The following SLC25A21 variants were observed in gnomAD, a reference collection of about 807,000 sequenced individuals.
SLC25A21 encodes the protein solute carrier family 25 member 21, also known as mitochondrial 2-oxodicarboxylate carrier.
In SLC25A21, 47 loss-of-function variants were observed where a neutral mutation model predicts 43.8. That is an observed-to-expected ratio of 1.07 (90% CI 0.85 to 1.37). The LOEUF (loss-of-function observed/expected upper bound fraction) is 1.37, where lower values mean the gene tolerates loss of function less well. Ranked by LOEUF, SLC25A21 falls within the 40% of genes most tolerant of loss-of-function variation. The pLI is 0.00. For synonymous variants in SLC25A21, 131 were observed against 121.3 expected, an observed-to-expected ratio of 1.08 and a Z score of -0.52; for missense variants, 352 against 350.2, an observed-to-expected ratio of 1.00 and a Z score of -0.04.
chr14:36,779,373 A>C (rs1005910857), intron 3 of SLC25A21, among the ~76,000 whole-genome samples: 3 of 141,728 alleles, frequency 2.1e-5, no homozygotes, highest in South Asian at 2.1e-4. Context: ...ATCTCTCTCT[A>C]TATATACACA....
At chr14:36,783,721 T>C (rs1887154592) in intron 3 of SLC25A21, among the ~76,000 whole-genome samples, 1 of 152,212 alleles carries the variant, frequency 6.6e-6, no homozygotes, top group African/African-American at 2.4e-5. Context: ...GATTTTTTGC[T>C]CTAACAGTGT....
chr14:36,889,428 T>C (rs998771851), intron 1 of SLC25A21, among the ~76,000 whole-genome samples: 2 of 152,214 alleles, frequency 1.3e-5, no homozygotes, highest in African/African-American at 4.8e-5. Flanking sequence ...CATACATATT[T>C]AGTTGTAATA....
At chr14:37,118,150 A>C (rs1963140006) in intron 1 of SLC25A21, among the ~76,000 whole-genome samples, 2 of 152,158 alleles carry the variant, frequency 1.3e-5, no homozygotes, top group Admixed American at 1.3e-4. Context: ...TCCAGAGGTC[A>C]CAATATTTGC....
Position 37,060,100 on chromosome 14 carries a change from C to T in SLC25A21, c.70+112181G>A, listed in dbSNP as rs749875856. Among the ~76,000 whole-genome samples, 88 of 151,750 alleles carry T rather than the reference C, an allele frequency of 5.8e-4. 2 individuals carry two copies. Among genetic ancestry groups the T allele is most frequent in the Non-Finnish European group, 1.9e-4 (13 of 67,962 alleles). On this transcript the variant is annotated intron_variant, in intron 1 of 9. Transcript: ENST00000331299. ...AGCCCCTTTAAAAAAAAAATCCTAG[C>T]CCCCAGTGTGACGGTATTAGGAGGT...
intron 1 of SLC25A21, among the ~76,000 whole-genome samples, chr14:36,969,254 G>A (rs934816800): frequency 3.9e-5 from 6 of 152,128 alleles, no homozygotes; most frequent in African/African-American, 1.4e-4. Context: ...TGTTAATAGA[G>A]CTTGTGTGCT....
intron 3 of SLC25A21, among the ~76,000 whole-genome samples, chr14:36,760,397 C>T (rs2139277066): frequency 1.4e-5 from 2 of 138,324 alleles, no homozygotes; most frequent in Middle Eastern, 7.3e-3. Context: ...GGAAGGCAGG[C>T]CTCATGAAGA....
intron 4 of SLC25A21, among the ~76,000 whole-genome samples, chr14:36,731,785 G>C (rs1278567459): frequency 1.3e-5 from 2 of 152,110 alleles, no homozygotes; most frequent in South Asian, 2.1e-4. Context: ...CAGATCTCAG[G>C]AGTTCTATCT....
chr14:37,113,438 A>G (rs996076242), intron 1 of SLC25A21, among the ~76,000 whole-genome samples: 2 of 152,188 alleles, frequency 1.3e-5, no homozygotes, highest in African/African-American at 2.4e-5. Context: ...CAGACCTTGG[A>G]TACACATCGT....
intron 1 of SLC25A21, among the ~76,000 whole-genome samples, chr14:37,067,020 C>T (rs1214498797): frequency 6.6e-6 from 1 of 151,910 alleles, no homozygotes; most frequent in African/African-American, 2.4e-5. Context: ...ATCCAGAATA[C>T]AGTACAGTGG....
intron 1 of SLC25A21, among the ~76,000 whole-genome samples, chr14:37,054,453 C>T (rs1961776312): frequency 6.6e-6 from 1 of 152,078 alleles, no homozygotes; most frequent in Admixed American, 6.6e-5. Context: ...TATTGTACAT[C>T]AATAGAAAGC....
At chr14:36,831,523 G>A (rs924730457) in intron 2 of SLC25A21, among the ~76,000 whole-genome samples, 1 of 152,178 alleles carries the variant, frequency 6.6e-6, no homozygotes, top group Non-Finnish European at 1.5e-5. Context: ...CATTATCAGG[G>A]TATATGGGGA....
chr14:36,683,975 A>T (rs1882412028), intron 8 of SLC25A21, 95 bp from the exon 9 acceptor site: 3 of 890,166 alleles, frequency 3.4e-6, no homozygotes, highest in Admixed American at 5.0e-5. Context: ...ATTTAAAAAA[A>T]TAAATTATTT....
At chr14:37,084,657 A>G (rs897533970) in intron 1 of SLC25A21, among the ~76,000 whole-genome samples, 1 of 152,252 alleles carries the variant, frequency 6.6e-6, no homozygotes, top group African/African-American at 2.4e-5. Context: ...CCCAACAGAC[A>G]CAGTCATAAA....
At chr14:36,920,215 G>A (rs1378343775) in intron 1 of SLC25A21, among the ~76,000 whole-genome samples, 4 of 151,918 alleles carry the variant, frequency 2.6e-5, no homozygotes, top group Non-Finnish European at 5.9e-5. Context: ...CATATATATG[G>A]AAAAACTAAG....
chr14:37,103,131 G>T (rs1217791518), intron 1 of SLC25A21, among the ~76,000 whole-genome samples: 1 of 152,180 alleles, frequency 6.6e-6, no homozygotes, highest in Non-Finnish European at 1.5e-5. Flanking sequence ...AGCTTGGAAT[G>T]CATGTTTAAC....
At chr14:37,034,357 AG>A (rs1460503893) in intron 1 of SLC25A21, among the ~76,000 whole-genome samples, 1 of 152,190 alleles carries the variant, frequency 6.6e-6, no homozygotes, top group Non-Finnish European at 1.5e-5. Flanking sequence ...CCCACTATAA[AG>A]GATGAAACTC....
intron 1 of SLC25A21, among the ~76,000 whole-genome samples, chr14:36,976,686 T>C (rs748029766): frequency 1.3e-5 from 2 of 152,172 alleles, no homozygotes; most frequent in Non-Finnish European, 2.9e-5. Flanking sequence ...CCAGAATTCT[T>C]GGAAACTGCT....
chr14:36,943,981 G>A (rs553909240), intron 1 of SLC25A21, among the ~76,000 whole-genome samples: 61 of 152,232 alleles, frequency 4.0e-4, no homozygotes, highest in African/African-American at 1.3e-3. Context: ...ATTTATTAGA[G>A]GAGATAAAAG....
intron 9 of SLC25A21, among the ~76,000 whole-genome samples, chr14:36,683,585 T>C (rs2139137858): frequency 6.6e-6 from 1 of 152,328 alleles, no homozygotes; most frequent in East Asian, 1.9e-4. Context: ...TCCTATTGAC[T>C]TAAGCTGGGT....
Sources: allele counts gnomAD v4.1 joint callset (sites outside exome capture counted in the v4.1 genomes callset), GRCh38; gene constraint gnomAD v4.1.1; transcripts MANE v1.5; gene names NCBI Gene and HGNC (gene_info 2026-07-23, HGNC 2026-07-21).